Variants in M1AP observed in about 807,000 individuals in gnomAD.
M1AP encodes meiosis 1 associated protein.
M1AP carries 39 observed loss-of-function variants against 51.2 expected under a neutral mutation model. The ratio of observed to expected loss-of-function variants is 0.76; its 90% CI spans 0.59 to 1.00. The LOEUF (loss-of-function observed/expected upper bound fraction) is 1.00, where lower values mean the gene tolerates loss of function less well. Ranked by LOEUF, M1AP falls within the 50% of genes least tolerant of loss-of-function variation. M1AP has a pLI of 0.00. For synonymous variants in M1AP, 251 were observed against 249.2 expected (o/e 1.01, Z -0.07); for missense variants, 545 against 641.2 (o/e 0.85, Z 1.62).
intron 2 of M1AP, chr2:74,628,741 T>A: frequency 1.8e-6 from 1 of 569,168 alleles, no homozygotes; most frequent in Non-Finnish European, 3.4e-6. Context: ...AACAAGATAA[T>A]CGTCATCATA....
chr2:74,647,453 T>G, intron 1 of M1AP: 1 of 933,206 alleles, frequency 1.1e-6, no homozygotes, highest in Non-Finnish European at 1.3e-6. Flanking sequence ...GGCACTTTCG[T>G]CTTCGTGGAC....
intron 2 of M1AP, among the ~76,000 whole-genome samples, chr2:74,617,970 G>A (rs1681770796): frequency 6.6e-6 from 1 of 152,168 alleles, no homozygotes; most frequent in Admixed American, 6.5e-5. Context: ...ATGGTTCTCT[G>A]GAGTAAAGCA....
chr2:74,603,502 TAAG>T (rs1228538927), intron 4 of M1AP, among the ~76,000 whole-genome samples: 3 of 152,162 alleles, frequency 2.0e-5, no homozygotes, highest in Admixed American at 2.0e-4. Flanking sequence ...GTGGTTGTTC[TAAG>T]AAGAGGAAAA....
At position 74,562,382 on chromosome 2, in the gene M1AP, G is replaced by C. The variant is rs141186317; in HGVS notation, c.1116C>G (p.Gly372=). Reference sequence around the variant, plus strand: ...CAGGAATTCTCTGGCTGTGTCCTGGGCCCGGTGGTTCCCCCTTGGCTAACA... The same window carrying C: ...CAGGAATTCTCTGGCTGTGTCCTGGCCCCGGTGGTTCCCCCTTGGCTAACA... ...WLLLAKGEPP[G]PGHSQRIPAS... The change falls in exon 8 of 11, where the codon GGC becomes GGG. Residue 372 remains glycine, a synonymous_variant. Coordinates refer to ENST00000421985, the MANE Select transcript of M1AP (RefSeq NM_001321739.2). 1.0e-4 allele frequency: 167 copies of C among 1,614,128 alleles called. No homozygotes were observed. Among genetic ancestry groups the C allele is most frequent in the Non-Finnish European group, 1.3e-4 (159 of 1,180,056 alleles).
chr2:74,586,313 C>T (rs1679704192), intron 4 of M1AP, among the ~76,000 whole-genome samples: 1 of 152,210 alleles, frequency 6.6e-6, no homozygotes, highest in African/African-American at 2.4e-5. Context: ...TCCTCCCTAT[C>T]AGGGCCTTGT....
chr2:74,588,902 T>C (rs1239032052), intron 4 of M1AP, among the ~76,000 whole-genome samples: 1 of 152,244 alleles, frequency 6.6e-6, no homozygotes, highest in Non-Finnish European at 1.5e-5. Flanking sequence ...TTACTGTCTT[T>C]TATGAGCTAG....
At chr2:74,642,916 C>A (rs1454749599) in intron 1 of M1AP, among the ~76,000 whole-genome samples, 1 of 152,102 alleles carries the variant, frequency 6.6e-6, no homozygotes, top group Non-Finnish European at 1.5e-5. Context: ...TGGGGTCTTG[C>A]TATGTTGCCC....
intron 1 of M1AP, among the ~76,000 whole-genome samples, chr2:74,640,938 C>G (rs1683263194): frequency 6.6e-6 from 1 of 152,234 alleles, no homozygotes; most frequent in Non-Finnish European, 1.5e-5. Flanking sequence ...TTATTGCACT[C>G]TATTACAATT....
intron 3 of M1AP, among the ~76,000 whole-genome samples, chr2:74,612,622 ATCTT>A (rs1443798187): frequency 6.6e-6 from 1 of 151,380 alleles, no homozygotes; most frequent in African/African-American, 2.4e-5. Flanking sequence ...TTTATTTGAT[ATCTT>A]TCTTCTTTTT....
chr2:74,642,414 A>G (rs1184486590), intron 1 of M1AP, among the ~76,000 whole-genome samples: 1 of 152,224 alleles, frequency 6.6e-6, no homozygotes, highest in Non-Finnish European at 1.5e-5. Context: ...GACGCAAAAA[A>G]GCCTCTGTTT....
chr2:74,640,656 C>A (rs958633443), intron 1 of M1AP, among the ~76,000 whole-genome samples: 4 of 152,110 alleles, frequency 2.6e-5, no homozygotes, highest in Admixed American at 6.5e-5. Context: ...TGGGGTTTCA[C>A]CATGTTGGCC....
At chr2:74,645,445 C>A (rs191674832) in intron 1 of M1AP, among the ~76,000 whole-genome samples, 78 of 152,300 alleles carry the variant, frequency 5.1e-4, no homozygotes, top group African/African-American at 1.7e-3. Context: ...AGGCGGGACT[C>A]AACTCTGCAG....
Position 74,580,366 on chromosome 2 carries a change from A to T in M1AP, c.769+1308T>A, listed in dbSNP as rs3025972. Among the ~76,000 whole-genome samples, 133 of 152,316 alleles carry T rather than the reference A, an allele frequency of 8.7e-4. 2 individuals are homozygous for T. The East Asian group carries it at 0.022, about 25-fold the overall frequency. ...AAGTCCAGAGGATAGGACAGGGAGA[A>T]ATTGGTACTATCAGCCTTGGACAAA... On this transcript the variant is annotated intron_variant, in intron 5 of 10. Coordinates refer to ENST00000421985, the MANE Select transcript of M1AP (RefSeq NM_001321739.2).
At chr2:74,618,438 G>A (rs1032397487) in intron 2 of M1AP, among the ~76,000 whole-genome samples, 3 of 152,156 alleles carry the variant, frequency 2.0e-5, no homozygotes, top group Non-Finnish European at 4.4e-5. Flanking sequence ...GTTTTTAGCA[G>A]GTGAAAACCT....
intron 3 of M1AP, 138 bp downstream of exon 3, chr2:74,614,826 G>GTCCTCTGTA (rs1188780854): frequency 1.0e-5 from 7 of 702,342 alleles, no homozygotes; most frequent in African/African-American, 3.6e-5. Context: ...TCCTCTGCCT[G>GTCCTCTGTA]TAGGGAGCTG....
intron 1 of M1AP, among the ~76,000 whole-genome samples, chr2:74,644,523 G>A (rs1483175858): frequency 6.7e-6 from 1 of 149,306 alleles, no homozygotes; most frequent in Non-Finnish European, 1.5e-5. Flanking sequence ...GGGTGACAGC[G>A]CGAGACCCCG....
At chr2:74,565,378 C>A (rs1678308417) in intron 7 of M1AP, among the ~76,000 whole-genome samples, 1 of 152,086 alleles carries the variant, frequency 6.6e-6, no homozygotes, top group African/African-American at 2.4e-5. Context: ...TACATATTAG[C>A]AAATCAAATT....
At chr2:74,577,659 A>G (rs1249351046) in intron 5 of M1AP, among the ~76,000 whole-genome samples, 2 of 152,198 alleles carry the variant, frequency 1.3e-5, no homozygotes, top group Non-Finnish European at 1.5e-5. Context: ...CACATTAGAC[A>G]TTGTGAATAA....
At chr2:74,559,896 T>C (rs1018601684) in intron 9 of M1AP, among the ~76,000 whole-genome samples, 187 bp from the exon 10 acceptor site, 4 of 152,248 alleles carry the variant, frequency 2.6e-5, no homozygotes, top group African/African-American at 9.6e-5. Context: ...AATGGGACAA[T>C]GGTCTGTTTA....
Sources: allele counts gnomAD v4.1 joint callset (sites outside exome capture counted in the v4.1 genomes callset), GRCh38; gene constraint gnomAD v4.1.1; transcripts MANE v1.5; gene names NCBI Gene and HGNC (gene_info 2026-07-23, HGNC 2026-07-21).